The following DLEC1 variants were observed in gnomAD, a reference collection of about 807,000 sequenced individuals.
DLEC1 encodes deleted in lung and esophageal cancer protein 1.
DLEC1 carries 146 observed loss-of-function variants against 198.1 expected under a neutral mutation model. The ratio of observed to expected loss-of-function variants is 0.74; its 90% CI spans 0.64 to 0.85. The LOEUF is 0.85. Among genes scored for constraint, DLEC1 ranks in the 40% least tolerant of loss-of-function variants. DLEC1 has a pLI of 0.00. For missense variants in DLEC1, 2,233 were observed against 2,220.0 expected (o/e 1.01, Z -0.12); for synonymous variants, 897 against 866.8 (o/e 1.03, Z -0.61).
chr3:38,091,249 A>G (rs1049912038), intron 10 of DLEC1, among the ~76,000 whole-genome samples: 2 of 152,224 alleles, frequency 1.3e-5, no homozygotes, highest in East Asian at 1.9e-4. Flanking sequence ...GGATTTCTTG[A>G]GCCCAGGAGT....
chr3:38,056,267 A>T (rs1470950519), intron 2 of DLEC1, among the ~76,000 whole-genome samples: 1 of 152,266 alleles, frequency 6.6e-6, no homozygotes, highest in East Asian at 1.9e-4. Context: ...TGTCTCAAAA[A>T]AAAACAATAC....
At chr3:38,109,056 C>T (rs542861717) in intron 21 of DLEC1, among the ~76,000 whole-genome samples, 6 of 152,306 alleles carry the variant, frequency 3.9e-5, no homozygotes, top group South Asian at 2.1e-4. Context: ...TGGGGATGGC[C>T]GGCCTGAGCT....
Position 38,108,439 on chromosome 3 carries a change from C to T in DLEC1, c.3053C>T (p.Thr1018Ile). ...LGHQAEFCMV[T>I]VSPKHGLLGP... ...CACCAAGCAGAATTCTGCATGGTGA[C>T]AGTCTCCCCCAAACATGGCCTGCTG... The change falls in exon 21 of 37, where the codon ACA (threonine) becomes ATA (isoleucine). Residue 1018 changes from threonine (T) to isoleucine (I), a missense_variant. Physicochemically the swap from Thr to Ile is moderately conservative, Grantham distance 89. Coordinates refer to ENST00000308059, the MANE Select transcript of DLEC1 (RefSeq NM_007335.4). 1 of 1,614,150 alleles carries T rather than the reference C, an allele frequency of 6.2e-7. No homozygotes were observed. The highest frequency in any genetic ancestry group is 8.5e-7 in the Non-Finnish European group (1 of 1,180,016).
Position 38,112,481 on chromosome 3 carries a change from G to A in DLEC1, c.3666+120G>A, listed in dbSNP as rs1277994520. The A allele has an allele frequency of 1.3e-5, 18 of 1,439,940 alleles. No homozygotes were observed. Among genetic ancestry groups the A allele is most frequent in the Non-Finnish European group, 1.6e-5 (17 of 1,055,578 alleles). 89.2% of individuals were successfully genotyped at this position (1,439,940 alleles called of 1,614,324 possible). A position where few individuals can be genotyped will look rare whatever the true frequency, so the allele number is the denominator to read the frequency against. On this transcript the variant is annotated intron_variant, in intron 25 of 36. Coordinates refer to ENST00000308059, the MANE Select transcript of DLEC1 (RefSeq NM_007335.4). The surrounding 1 kb of genome is among the most constrained non-coding windows in gnomAD (Gnocchi z 4.8). Reference sequence around the variant, plus strand: ...CTCTCAAACCTCACCAGGTTGAAACGCGATGCCCACCGAGCTTGGGATGGG... The same window carrying A: ...CTCTCAAACCTCACCAGGTTGAAACACGATGCCCACCGAGCTTGGGATGGG...
At chr3:38,115,552 A>C (rs1479699853) in intron 27 of DLEC1, among the ~76,000 whole-genome samples, 1 of 151,982 alleles carries the variant, frequency 6.6e-6, no homozygotes, top group African/African-American at 2.4e-5. Flanking sequence ...ATGTGGGGGC[A>C]AAGAGTGCTC....
intron 2 of DLEC1, among the ~76,000 whole-genome samples, chr3:38,050,592 C>G (rs1701068112): frequency 6.6e-6 from 1 of 151,860 alleles, no homozygotes; most frequent in Admixed American, 6.6e-5. Flanking sequence ...GGACTCACTC[C>G]CTGCCTGCCC....
chr3:38,106,589 C>G (rs983879609), intron 19 of DLEC1, among the ~76,000 whole-genome samples: 1 of 151,960 alleles, frequency 6.6e-6, no homozygotes, highest in African/African-American at 2.4e-5. Context: ...AACCTCATCT[C>G]TACTAAAAAT....
In DLEC1 at chr3:38,122,412, A is replaced by AGGCTC. The variant is rs1322415255; in HGVS notation, c.*1_*5dup. On this transcript the variant is annotated 3_prime_UTR_variant, in exon 37 of 37. Coordinates refer to ENST00000308059, the MANE Select transcript of DLEC1 (RefSeq NM_007335.4). ...GATACATGTTGCCTCACCAGCCCTG[A>AGGCTC]GGCTCCGCCCCAGCCCTCAGCCCCA... 1 of 1,614,112 alleles carries AGGCTC rather than the reference A, an allele frequency of 6.2e-7. No homozygotes were observed. Among genetic ancestry groups the AGGCTC allele is most frequent in the Admixed American group, 1.7e-5 (1 of 60,024 alleles).
chr3:38,095,234 G>A, intron 13 of DLEC1, 163 bp downstream of exon 13: 1 of 729,356 alleles, frequency 1.4e-6, no homozygotes, highest in Non-Finnish European at 2.2e-6. Flanking sequence ...CACCTGGTGT[G>A]CAGGGTGAAG....
chr3:38,073,347 C>G (rs1235687053), intron 6 of DLEC1, among the ~76,000 whole-genome samples: 1 of 152,176 alleles, frequency 6.6e-6, no homozygotes, highest in Non-Finnish European at 1.5e-5. Flanking sequence ...TTTAGAAGCC[C>G]ATGCTGTAGC....
intron 6 of DLEC1, among the ~76,000 whole-genome samples, chr3:38,067,509 A>G (rs1346552006): frequency 6.6e-6 from 1 of 152,246 alleles, no homozygotes; most frequent in South Asian, 2.1e-4. Context: ...TGAAAAATTC[A>G]GAGAGAGCAC....
intron 14 of DLEC1, 51 bp downstream of exon 14, chr3:38,095,997 ACCTTGG>A: frequency 6.2e-7 from 1 of 1,604,254 alleles, no homozygotes; most frequent in Non-Finnish European, 8.5e-7. Context: ...GCCTTCCCCC[ACCTTGG>A]GGGTTCTCCT....
At position 38,120,447 on chromosome 3, in the gene DLEC1, G is replaced by A; in HGVS notation, c.4705-1G>A. 1 of 1,614,180 alleles carries A rather than the reference G, an allele frequency of 6.2e-7. No individual in the cohort carries two copies. The highest frequency in any genetic ancestry group is 1.7e-5 in the Admixed American group (1 of 60,018). ...TTGACACCATGTCCACATCTGCTCA[G>A]GTGAACGTGTCCTTCTCACTCTCCC... On this transcript the variant is annotated splice_acceptor_variant, in intron 33 of 36. Transcript: ENST00000308059. LOFTEE classifies it high-confidence loss of function.
rs573880643 is a variant in DLEC1, at chr3:38,080,170, C to G, written c.1174-3988C>G. Among the ~76,000 whole-genome samples the G allele has an allele frequency of 1.0e-3, 159 of 152,182 alleles. 1 individual carries two copies. The highest frequency in any genetic ancestry group is 0.01 in the Middle Eastern group (3 of 294). Reference sequence around the variant, plus strand: ...TGACTATGCCTTTAGCTCCAGCCACCTTTTTAAGAGTAAATTGCTGGGCAG... The same window carrying G: ...TGACTATGCCTTTAGCTCCAGCCACGTTTTTAAGAGTAAATTGCTGGGCAG... On this transcript the variant is annotated intron_variant, in intron 6 of 36. Coordinates refer to ENST00000308059, the MANE Select transcript of DLEC1 (RefSeq NM_007335.4).
chr3:38,040,702 A>T (rs1700612663), intron 1 of DLEC1, among the ~76,000 whole-genome samples: 1 of 152,232 alleles, frequency 6.6e-6, no homozygotes, highest in South Asian at 2.1e-4. Context: ...ATGGAGCATT[A>T]TAAACCTATA....
chr3:38,112,086 A>C lies in DLEC1; in HGVS notation c.3515-124A>C. On this transcript the variant is annotated intron_variant, in intron 24 of 36. Coordinates refer to ENST00000308059, the MANE Select transcript of DLEC1 (RefSeq NM_007335.4). This position sits in a 1 kb window ranked among gnomAD's most constrained non-coding sequence, Gnocchi z 4.8. ...AGGCTCCCAGGAGGAGGGCACATGT[A>C]GCCTGACCAAGGAGAGGCTGGAGGG... The C allele has an allele frequency of 6.8e-7, 1 of 1,473,164 alleles. No individual in the cohort carries two copies. Among genetic ancestry groups the C allele is most frequent in the Non-Finnish European group, 9.3e-7 (1 of 1,073,596 alleles). 91.3% of individuals were successfully genotyped at this position (1,473,164 alleles called of 1,614,324 possible). A position where few individuals can be genotyped will look rare whatever the true frequency, so the allele number is the denominator to read the frequency against.
chr3:38,092,776 C>T lies in DLEC1; in HGVS notation c.1666-14C>T. The T allele has an allele frequency of 6.2e-7, 1 of 1,612,678 alleles. No homozygotes were observed. Among genetic ancestry groups the T allele is most frequent in the Non-Finnish European group, 8.5e-7 (1 of 1,178,770 alleles). On this transcript the variant is annotated splice_polypyrimidine_tract_variant and intron_variant, in intron 10 of 36. Transcript: ENST00000308059. ...TTTAATGGGAGGTAACGGAACAACC[C>T]TTCTCTCCCCCAGGTCTTGTTTTCC...
chr3:38,116,003 G>C (rs565922200), intron 27 of DLEC1, among the ~76,000 whole-genome samples: 2 of 152,126 alleles, frequency 1.3e-5, no homozygotes, highest in Non-Finnish European at 2.9e-5. Context: ...GAGATACGAG[G>C]ATGCTGGCAA....
intron 27 of DLEC1, among the ~76,000 whole-genome samples, chr3:38,115,384 T>C (rs1700100022): frequency 6.6e-6 from 1 of 152,034 alleles, no homozygotes; most frequent in Non-Finnish European, 1.5e-5. Context: ...GGGACAGATG[T>C]GACTGTGGAC....
Sources: gnomAD v4.1 joint callset for allele counts (sites outside exome capture counted in the v4.1 genomes callset) on GRCh38, gnomAD v4.1.1 for gene constraint, Gnocchi (gnomAD v3.1) non-coding constraint, MANE v1.5 for transcripts, NCBI Gene and HGNC (gene_info 2026-07-23, HGNC 2026-07-21) for gene names.